The following KIFC1 variants were observed in gnomAD, a reference collection of about 807,000 sequenced individuals.
KIFC1 encodes kinesin family member C1, also known as kinesin-like protein KIFC1.
In KIFC1, 37 loss-of-function variants were observed where a neutral mutation model predicts 66.6. The observed-to-expected ratio is 0.56, with a 90% CI of 0.43 to 0.73. The LOEUF is 0.73. KIFC1 is among the 30% of genes least tolerant of loss of function. KIFC1 has a pLI of 0.00. For missense variants in KIFC1, 721 were observed against 859.8 expected (o/e 0.84, Z 2.02); for synonymous variants, 325 against 343.5 (o/e 0.95, Z 0.60).
In KIFC1 at chr6:33,404,303, T is replaced by C. The variant is rs1482104908; in HGVS notation, c.756+174T>C. Among the ~76,000 whole-genome samples the C allele has an allele frequency of 6.6e-6, 1 of 152,152 alleles. No homozygotes were observed. Among genetic ancestry groups the C allele is most frequent in the Non-Finnish European group, 1.5e-5 (1 of 68,036 alleles). On this transcript the variant is annotated intron_variant, in intron 6 of 10. Transcript: ENST00000428849. The surrounding 1 kb of genome is among the most constrained non-coding windows in gnomAD (Gnocchi z 4.0). Reference sequence around the variant, plus strand: ...TTGACCTGTCTGCACCCCAGCCCACTCCTGACTGTCTTGCTTTCTGCCACG... The same window carrying C: ...TTGACCTGTCTGCACCCCAGCCCACCCCTGACTGTCTTGCTTTCTGCCACG...
chr6:33,399,544 G>C (rs1156543791), intron 3 of KIFC1, among the ~76,000 whole-genome samples: 1 of 152,210 alleles, frequency 6.6e-6, no homozygotes, highest in Admixed American at 6.5e-5. Flanking sequence ...GATCTAGCCT[G>C]CTACACACCT....
Position 33,391,901 on chromosome 6 carries a change from G to A in KIFC1, c.-85G>A. On this transcript the variant is annotated 5_prime_UTR_variant, in exon 1 of 11. Coordinates refer to ENST00000428849, the MANE Select transcript of KIFC1 (RefSeq NM_002263.4). ...GAGTTCTCTACCCTGCTTCGCGAGC[G>A]GGCGAGAGAACGCGAGTCCCAGGAT... 6.5e-7 allele frequency: 1 copy of A among 1,538,028 alleles called. No homozygotes were observed. The highest frequency in any genetic ancestry group is 9.0e-7 in the Non-Finnish European group (1 of 1,113,376).
rs912567676 is a variant in KIFC1 at position 33,409,862 on chromosome 6, T to C, written c.*172T>C. ...ATCAAATAAAGAATAGTTTGGTTTT[T>C]TTTTTAAATAAAGGTTTTATTAGCA... is the stretch of plus-strand genomic sequence containing the variant. On this transcript the variant is annotated 3_prime_UTR_variant, in exon 11 of 11. Coordinates refer to ENST00000428849, the MANE Select transcript of KIFC1 (RefSeq NM_002263.4). 6.2e-6 allele frequency: 4 copies of C among 648,826 alleles called. No homozygotes were observed. The highest frequency in any genetic ancestry group is 5.5e-5 in the African/African-American group (3 of 54,302). The allele number at this position is 648,826 out of a possible 1,614,324, so 40.2% of individuals were successfully genotyped here.
rs1403119078 is a variant in KIFC1, at chr6:33,403,152, G to T, written c.251-162G>T. On this transcript the variant is annotated intron_variant, in intron 3 of 10. Coordinates refer to ENST00000428849, the MANE Select transcript of KIFC1 (RefSeq NM_002263.4). The surrounding 1 kb of genome is among the most constrained non-coding windows in gnomAD (Gnocchi z 4.6). ...GGGATGACTGTAATTTCTGGTTCTA[G>T]GGGAGGTATCATTAGGAGCTGGCCA... is the stretch of plus-strand genomic sequence containing the variant. Among the ~76,000 whole-genome samples the T allele has an allele frequency of 2.0e-5, 3 of 152,140 alleles. No individual in the cohort carries two copies. Among genetic ancestry groups the T allele is most frequent in the Admixed American group, 6.5e-5 (1 of 15,274 alleles).
rs3066474 is a variant in KIFC1 at position 33,409,705 on chromosome 6, CTGTG to C, written c.*61_*64del. Reference sequence around the variant, plus strand: ...ACAGGAAGTGAAGACGGATCCAGATCTGTGTGTGTGTGTGTGTGTGTGTGTGTGT... The same window carrying C: ...ACAGGAAGTGAAGACGGATCCAGATCTGTGTGTGTGTGTGTGTGTGTGTGT... On this transcript the variant is annotated 3_prime_UTR_variant, in exon 11 of 11. Transcript: ENST00000428849. The C allele has an allele frequency of 0.051, 62,701 of 1,240,566 alleles. 1,733 individuals are homozygous for C. Among genetic ancestry groups the C allele is most frequent in the African/African-American group, 0.15 (7,812 of 52,766 alleles). The allele number at this position is 1,240,566 out of a possible 1,614,324, so 76.8% of individuals were successfully genotyped here.
intron 3 of KIFC1, among the ~76,000 whole-genome samples, 159 bp downstream of exon 3, chr6:33,398,546 C>T (rs1173525847): frequency 1.3e-5 from 2 of 152,176 alleles, no homozygotes; most frequent in Admixed American, 1.3e-4. Context: ...TCACTGCAAC[C>T]TCCTCCTCCC....
chr6:33,405,198 C>T lies in KIFC1; in HGVS notation c.1103C>T (p.Thr368Ile). 2 of 1,614,212 alleles carry T rather than the reference C, an allele frequency of 1.2e-6. No individual in the cohort carries two copies. The highest frequency in any genetic ancestry group is 2.2e-5 in the South Asian group (2 of 91,088). ...CTGAGTGGGGCACCAGCTCCCCCAA[C>T]TCGCCATGATTTTTCCTTTGACCGG... Reference protein sequence around the residue: ...GTLSGAPAPPTRHDFSFDRVF... With the variant: ...GTLSGAPAPPIRHDFSFDRVF... The change falls in exon 7 of 11, where the codon ACT becomes ATT. Residue 368 changes from threonine to isoleucine, a missense_variant. Thr to Ile is a moderately conservative substitution (Grantham distance 89, BLOSUM62 -1). Transcript: ENST00000428849. The surrounding 1 kb of genome is among the most constrained non-coding windows in gnomAD (Gnocchi z 5.4).
Position 33,406,960 on chromosome 6 carries a change from G to A in KIFC1, c.1977+85G>A. Reference sequence around the variant, plus strand: ...CCAATCCCTTTTGTCTTCTAGGGCAGGGAGCACATTTGTGCAGAAAGGTTT... The same window carrying A: ...CCAATCCCTTTTGTCTTCTAGGGCAAGGAGCACATTTGTGCAGAAAGGTTT... On this transcript the variant is annotated intron_variant, in intron 10 of 10. Coordinates refer to ENST00000428849, the MANE Select transcript of KIFC1 (RefSeq NM_002263.4). The surrounding 1 kb of genome is among the most constrained non-coding windows in gnomAD (Gnocchi z 4.5). 2.5e-6 allele frequency: 4 copies of A among 1,583,908 alleles called. No individual in the cohort carries two copies. Among genetic ancestry groups the A allele is most frequent in the Non-Finnish European group, 3.4e-6 (4 of 1,163,504 alleles).
At position 33,403,574 on chromosome 6, in the gene KIFC1, T is replaced by A. The variant is rs749089184; in HGVS notation, c.355+39T>A. On this transcript the variant is annotated intron_variant, in intron 5 of 10. Coordinates refer to ENST00000428849, the MANE Select transcript of KIFC1 (RefSeq NM_002263.4). The surrounding 1 kb of genome is among the most constrained non-coding windows in gnomAD (Gnocchi z 4.6). The stretch of plus-strand genomic sequence containing the variant: ...ATAACCACTGGGTGAGAGGCTGGGA[T>A]AGGGAAGAGAAGATGGTGAGTGACC... 6.8e-6 allele frequency: 11 copies of A among 1,607,004 alleles called. No individual in the cohort carries two copies. In the South Asian group the frequency reaches 1.1e-4, roughly 16 times the overall value.
Position 33,406,988 on chromosome 6 carries a change from C to G in KIFC1, c.1977+113C>G. ...AGCACATTTGTGCAGAAAGGTTTTG[C>G]AGGTATCTGAGGCACTGCTCACCTG... On this transcript the variant is annotated intron_variant, in intron 10 of 10. Transcript: ENST00000428849. The surrounding 1 kb of genome is among the most constrained non-coding windows in gnomAD (Gnocchi z 4.5). 6.6e-7 allele frequency: 1 copy of G among 1,508,446 alleles called. No individual in the cohort carries two copies. Among genetic ancestry groups the G allele is most frequent in the Non-Finnish European group, 8.9e-7 (1 of 1,126,382 alleles). 93.4% of individuals were successfully genotyped at this position (1,508,446 alleles called of 1,614,324 possible). A position where few individuals can be genotyped will look rare whatever the true frequency, so the allele number is the denominator to read the frequency against.
At chr6:33,399,518 T>G (rs1046537161) in intron 3 of KIFC1, among the ~76,000 whole-genome samples, 8 of 152,244 alleles carry the variant, frequency 5.3e-5, no homozygotes, top group Non-Finnish European at 2.9e-5. Context: ...TAGAATGTAC[T>G]TACTGAAACC....
At chr6:33,398,844 C>T (rs1775227027) in intron 3 of KIFC1, among the ~76,000 whole-genome samples, 1 of 152,298 alleles carries the variant, frequency 6.6e-6, no homozygotes, top group South Asian at 2.1e-4. Context: ...AAGTTTGCTT[C>T]CTATTTCTGT....
Position 33,404,742 on chromosome 6 carries a change from G to T in KIFC1, c.757-110G>T. ...TCTTTCTTTGTTTACCAGACTTTGA[G>T]GTCCTTTTGAGCAGGGACCTCACTT... On this transcript the variant is annotated intron_variant, in intron 6 of 10. Coordinates refer to ENST00000428849, the MANE Select transcript of KIFC1 (RefSeq NM_002263.4). This position sits in a 1 kb window ranked among gnomAD's most constrained non-coding sequence, Gnocchi z 4.0. 1 of 963,602 alleles carries T rather than the reference G, an allele frequency of 1.0e-6. No homozygotes were observed. Among genetic ancestry groups the T allele is most frequent in the East Asian group, 2.4e-5 (1 of 41,130 alleles). 59.7% of individuals were successfully genotyped at this position (963,602 alleles called of 1,614,324 possible).
In KIFC1 at chr6:33,405,605, T is replaced by C; in HGVS notation, c.1510T>C (p.Tyr504His). 1.3e-6 allele frequency: 2 copies of C among 1,534,282 alleles called. No individual in the cohort carries two copies. The highest frequency in any genetic ancestry group is 8.7e-7 in the Non-Finnish European group (1 of 1,144,186). ...GGAGCTCACTGTCACCAATGCTCGATATGTCCCTGTCTCCTGTGAGAAAGA... is the reference window on the plus strand; with the variant it reads ...GGAGCTCACTGTCACCAATGCTCGACATGTCCCTGTCTCCTGTGAGAAAGA... ...SEELTVTNAR[Y>H]VPVSCEKEVD... The change falls in exon 7 of 11, where the codon TAT (tyrosine) becomes CAT (histidine). Residue 504 changes from tyrosine (Y) to histidine (H), a missense_variant. Transcript: ENST00000428849. The surrounding 1 kb of genome is among the most constrained non-coding windows in gnomAD (Gnocchi z 5.4).
At chr6:33,398,437 T>C (rs773911930) in intron 3 of KIFC1, 50 bp downstream of exon 3, 2 of 1,232,280 alleles carry the variant, frequency 1.6e-6, no homozygotes, top group East Asian at 4.7e-5. Flanking sequence ...TCCAGTGCTC[T>C]TCAACTCACT....
At position 33,407,144 on chromosome 6, in the gene KIFC1, C is replaced by G. The variant is rs750659908; in HGVS notation, c.1977+269C>G. 4 of 1,158,542 alleles carry G rather than the reference C, an allele frequency of 3.5e-6. No homozygotes were observed. The East Asian group carries it at 1.1e-4, about 33-fold the overall frequency. 71.8% of individuals were successfully genotyped at this position (1,158,542 alleles called of 1,614,324 possible). On this transcript the variant is annotated intron_variant, in intron 10 of 10. Transcript: ENST00000428849. ...TCTAAACTGGTTGGGCGTAGTAGCT[C>G]ATGCCTATAATCCGAACACTTCGGG...
rs1411263245 is a variant in KIFC1, at chr6:33,400,510, C to T, written c.250+2123C>T. On this transcript the variant is annotated intron_variant, in intron 3 of 10. Transcript: ENST00000428849. This position sits in a 1 kb window ranked among gnomAD's most constrained non-coding sequence, Gnocchi z 4.3. Reference sequence around the variant, plus strand: ...GGCACCGACTTCACCTCTGGTGCACCTCAGGTATACGACCTTGATCTCGTT... The same window carrying T: ...GGCACCGACTTCACCTCTGGTGCACTTCAGGTATACGACCTTGATCTCGTT... 2 of 1,592,328 alleles carry T rather than the reference C, an allele frequency of 1.3e-6. No individual in the cohort carries two copies. The highest frequency in any genetic ancestry group is 1.3e-5 in the African/African-American group (1 of 74,460).
At position 33,391,866 on chromosome 6, in the gene KIFC1, G is replaced by C; in HGVS notation, c.-120G>C. ...GTGTGGCGCGGGGCTGGTAGCGGCC[G>C]GAGCCGTGCGAGTTCTCTACCCTGC... is the stretch of plus-strand genomic sequence containing the variant. On this transcript the variant is annotated 5_prime_UTR_variant, in exon 1 of 11. Coordinates refer to ENST00000428849, the MANE Select transcript of KIFC1 (RefSeq NM_002263.4). 7.3e-6 allele frequency: 9 copies of C among 1,236,280 alleles called. No individual in the cohort carries two copies. The highest frequency in any genetic ancestry group is 1.3e-5 in the South Asian group (1 of 78,114). The allele number at this position is 1,236,280 out of a possible 1,614,324, so 76.6% of individuals were successfully genotyped here.
rs1428098969 is a variant in KIFC1, at chr6:33,406,904, G to C, written c.1977+29G>C. Reference sequence around the variant, plus strand: ...CGATTACCACCCGTCAGCCTTGTCAGGACCCGTGGGTGGTTGTAGGCTTCT... The same window carrying C: ...CGATTACCACCCGTCAGCCTTGTCACGACCCGTGGGTGGTTGTAGGCTTCT... On this transcript the variant is annotated intron_variant, in intron 10 of 10. Coordinates refer to ENST00000428849, the MANE Select transcript of KIFC1 (RefSeq NM_002263.4). The surrounding 1 kb of genome is among the most constrained non-coding windows in gnomAD (Gnocchi z 4.5). The C allele has an allele frequency of 1.9e-6, 3 of 1,613,820 alleles. No homozygotes were observed. The highest frequency in any genetic ancestry group is 2.5e-6 in the Non-Finnish European group (3 of 1,179,870).
Sources: gnomAD v4.1 joint callset for allele counts (sites outside exome capture counted in the v4.1 genomes callset) on GRCh38, gnomAD v4.1.1 for gene constraint, Gnocchi (gnomAD v3.1) non-coding constraint, MANE v1.5 for transcripts, NCBI Gene and HGNC (gene_info 2026-07-23, HGNC 2026-07-21) for gene names.